Variants in VPS37A observed in about 807,000 individuals in gnomAD.
The protein encoded by VPS37A is vacuolar protein sorting-associated protein 37A.
In VPS37A, 30 loss-of-function variants were observed where a neutral mutation model predicts 49.8. The observed-to-expected ratio is 0.60, with a 90% CI of 0.45 to 0.82. The LOEUF is 0.82. Ranked by LOEUF, VPS37A falls within the 40% of genes least tolerant of loss-of-function variation. The probability of loss-of-function intolerance (pLI) is 0.00; values close to 1 mark genes in which losing one functional copy is unlikely to be tolerated. For synonymous variants in VPS37A, 195 were observed against 160.6 expected, an observed-to-expected ratio of 1.21 and a Z score of -1.62; for missense variants, 593 against 464.4, an observed-to-expected ratio of 1.28 and a Z score of -2.55.
chr8:17,260,527 C>T (rs866756005), intron 1 of VPS37A, among the ~76,000 whole-genome samples: 3 of 152,066 alleles, frequency 2.0e-5, no homozygotes, highest in Non-Finnish European at 4.4e-5. Flanking sequence ...CTGGGTTTCT[C>T]TGTGTATTTA....
At chr8:17,248,392 A>AT (rs1407783238) in intron 1 of VPS37A, 4 of 447,244 alleles carry the variant, frequency 8.9e-6, no homozygotes, top group Non-Finnish European at 1.8e-5. Context: ...AGCTCCCCAC[A>AT]CCCCTCCGAG....
chr8:17,278,917 A>C (rs998525325), intron 6 of VPS37A, among the ~76,000 whole-genome samples: 1 of 152,188 alleles, frequency 6.6e-6, no homozygotes, highest in South Asian at 2.1e-4. Flanking sequence ...ATGGCTCCAT[A>C]GTCAAAACTA....
chr8:17,305,144 C>G (rs1490668914), downstream of VPS37A, among the ~76,000 whole-genome samples: 1 of 151,840 alleles, frequency 6.6e-6, no homozygotes, highest in African/African-American at 2.4e-5. Flanking sequence ...AATTAATTTT[C>G]TTTATGAGTC....
chr8:17,326,104 C>CTAGGACT, the VPS37A span, among the ~76,000 whole-genome samples: 1 of 152,144 alleles, frequency 6.6e-6, no homozygotes, highest in Non-Finnish European at 1.5e-5. Context: ...GAACCCAAAC[C>CTAGGACT]TAGGACTTCA....
intron 4 of VPS37A, among the ~76,000 whole-genome samples, chr8:17,273,401 A>G (rs1233221643): frequency 6.6e-6 from 1 of 151,744 alleles, no homozygotes; most frequent in East Asian, 1.9e-4. Context: ...TACAATCCCT[A>G]TTTTCCCCAG....
At chr8:17,247,709 C>T (rs1484512001) in intron 1 of VPS37A, 4 of 702,586 alleles carry the variant, frequency 5.7e-6, no homozygotes, top group Non-Finnish European at 7.8e-6. Context: ...TTCCCTTTGC[C>T]CACCTGATTG....
At chr8:17,302,472 T>A, downstream of VPS37A, 2 of 528,070 alleles carry the variant, frequency 3.8e-6, no homozygotes, top group Non-Finnish European at 6.5e-6. Context: ...TAAATGCCTT[T>A]TGGGGAGAAT....
chr8:17,305,362 C>A (rs1259362993), downstream of VPS37A, among the ~76,000 whole-genome samples: 3 of 152,186 alleles, frequency 2.0e-5, no homozygotes, highest in Non-Finnish European at 2.9e-5. Flanking sequence ...CAGTTTTAAT[C>A]TGAATAAATT....
At chr8:17,301,849 A>C (rs1398966339), downstream of VPS37A, 2 of 403,062 alleles carry the variant, frequency 5.0e-6, no homozygotes, top group Non-Finnish European at 8.7e-6. Context: ...ACTTTTTCAC[A>C]CTTTCCAGAA....
At chr8:17,318,108 C>A in the VPS37A span, among the ~76,000 whole-genome samples, 2 of 152,128 alleles carry the variant, frequency 1.3e-5, no homozygotes, top group African/African-American at 4.8e-5. Context: ...GATGGGAAGC[C>A]AGTCTCTGCC....
chr8:17,265,473 G>A (rs11203837), intron 1 of VPS37A, among the ~76,000 whole-genome samples: 61,003 of 151,884 alleles, frequency 0.4, 15,932 homozygotes, highest in African/African-American at 0.72. Flanking sequence ...TGTAGGATGC[G>A]TCTCATCTAG....
intron 4 of VPS37A, among the ~76,000 whole-genome samples, chr8:17,269,296 A>G (rs1045741824): frequency 1.3e-5 from 2 of 152,240 alleles, no homozygotes; most frequent in Non-Finnish European, 2.9e-5. Flanking sequence ...ATGATTTTTA[A>G]TATTATTCCA....
At chr8:17,314,351 C>T in the VPS37A span, among the ~76,000 whole-genome samples, 94 of 152,208 alleles carry the variant, frequency 6.2e-4, 1 homozygote, top group Middle Eastern at 3.4e-3. Flanking sequence ...TTTCTACCCC[C>T]AACTCCATGG....
At chr8:17,319,697 T>C in the VPS37A span, among the ~76,000 whole-genome samples, 5 of 152,210 alleles carry the variant, frequency 3.3e-5, no homozygotes, top group Non-Finnish European at 7.3e-5. Context: ...TGGAAACCAA[T>C]GCAAACAGAG....
chr8:17,254,493 G>A (rs925512780), intron 1 of VPS37A, among the ~76,000 whole-genome samples: 1 of 152,184 alleles, frequency 6.6e-6, no homozygotes, highest in Non-Finnish European at 1.5e-5. Context: ...AAATGCTCCT[G>A]ACCTGCCTTC....
chr8:17,278,186 G>T (rs964783157), intron 6 of VPS37A, among the ~76,000 whole-genome samples: 4 of 151,966 alleles, frequency 2.6e-5, no homozygotes, highest in African/African-American at 9.7e-5. Flanking sequence ...ATTACTGCAT[G>T]CTTCTTTTTA....
the VPS37A span, among the ~76,000 whole-genome samples, chr8:17,325,030 G>A: frequency 6.6e-6 from 1 of 152,132 alleles, no homozygotes; most frequent in African/African-American, 2.4e-5. Context: ...ACAAAGGGCT[G>A]AGTCCATCTT....
downstream of VPS37A, chr8:17,301,798 G>C (rs529051292): frequency 3.8e-5 from 11 of 286,776 alleles, no homozygotes; most frequent in African/African-American, 2.0e-4. Context: ...TAAAAGTGGG[G>C]AAAGAGTTTT....
the VPS37A span, among the ~76,000 whole-genome samples, chr8:17,308,138 G>C: frequency 2.0e-5 from 3 of 151,648 alleles, no homozygotes; most frequent in Non-Finnish European, 2.9e-5. Flanking sequence ...GTCTTTTATG[G>C]CTTCAGAATT....
Sources: gnomAD v4.1 joint callset for allele counts (sites outside exome capture counted in the v4.1 genomes callset) on GRCh38, gnomAD v4.1.1 for gene constraint, MANE v1.5 for transcripts, NCBI Gene and HGNC (gene_info 2026-07-23, HGNC 2026-07-21) for gene names.